The following TOP1MT variants were observed in gnomAD, a reference collection of about 807,000 sequenced individuals.
TOP1MT encodes the protein DNA topoisomerase I, mitochondrial.
TOP1MT carries 80 observed loss-of-function variants against 73.9 expected under a neutral mutation model. The observed-to-expected ratio is 1.08, with a 90% CI of 0.90 to 1.30. The LOEUF (loss-of-function observed/expected upper bound fraction) is 1.30. TOP1MT is among the 50% of genes most tolerant of loss of function. TOP1MT has a pLI of 0.00. For missense variants in TOP1MT, 815 were observed against 808.0 expected (o/e 1.01, Z -0.10); for synonymous variants, 338 against 326.4 (o/e 1.04, Z -0.38).
Position 143,309,547 on chromosome 8 carries a change from C to T in TOP1MT, c.1704-4G>A, listed in dbSNP as rs572135379. 47 of 1,613,552 alleles carry T rather than the reference C, an allele frequency of 2.9e-5. 1 individual carries two copies. The highest frequency in any genetic ancestry group is 2.7e-4 in the African/African-American group (20 of 75,044). ...TGGCACCCTGAACCGCTTGCACCTGCGGGAGGCAGCATCAGCCCAGGCAAG... is the reference window on the plus strand; with the variant it reads ...TGGCACCCTGAACCGCTTGCACCTGTGGGAGGCAGCATCAGCCCAGGCAAG... On this transcript the variant is annotated splice_region_variant and splice_polypyrimidine_tract_variant and intron_variant, in intron 13 of 13. Transcript: ENST00000329245.
At chr8:143,309,925 C>T (rs1401054493) in intron 13 of TOP1MT, 143 bp downstream of exon 13, 1 of 1,592,484 alleles carries the variant, frequency 6.3e-7, no homozygotes, top group South Asian at 1.1e-5. Flanking sequence ...GACTCAGCAT[C>T]ATGGGTCCCT....
intron 1 of TOP1MT, among the ~76,000 whole-genome samples, chr8:143,354,208 G>A (rs142767983): frequency 2.1e-3 from 327 of 152,144 alleles, no homozygotes; most frequent in Non-Finnish European, 3.5e-3. Context: ...ACACGCAGCA[G>A]GGTGTTTTCG....
rs750833587 is a variant in TOP1MT, at chr8:143,315,837, C to G, written c.1459-16G>C. The G allele has an allele frequency of 1.9e-5, 31 of 1,612,332 alleles. No homozygotes were observed. The East Asian group carries it at 6.7e-4, about 35-fold the overall frequency. On this transcript the variant is annotated splice_polypyrimidine_tract_variant and intron_variant, in intron 11 of 13. Transcript: ENST00000329245. ...TTGCCTGGATCTGCAGGAAAAGGGT[C>G]CAGACAGGGCTGCCCCTCCCCATCC... is the stretch of plus-strand genomic sequence containing the variant.
chr8:143,320,521 C>A (rs1045598304), intron 8 of TOP1MT, among the ~76,000 whole-genome samples: 7 of 152,218 alleles, frequency 4.6e-5, no homozygotes, highest in African/African-American at 1.7e-4. Context: ...CCCACCTCAG[C>A]CTCCCGAAGC....
intron 1 of TOP1MT, chr8:143,334,237 C>T (rs1816931436): frequency 1.3e-5 from 2 of 152,792 alleles, no homozygotes; most frequent in Middle Eastern, 3.2e-3. Flanking sequence ...AGGAAAGCGC[C>T]TGGGACCACC....
intron 10 of TOP1MT, among the ~76,000 whole-genome samples, chr8:143,316,794 T>A (rs906703321): frequency 6.6e-6 from 1 of 152,228 alleles, no homozygotes; most frequent in Non-Finnish European, 1.5e-5. Context: ...CCATCCTGCA[T>A]GGCCCACCCA....
At chr8:143,322,534 G>GGCACGCCACAC (rs1816482930) in intron 7 of TOP1MT, among the ~76,000 whole-genome samples, 1 of 37,352 alleles carries the variant, frequency 2.7e-5, no homozygotes, top group Admixed American at 4.9e-4. Context: ...GCACGCCAAA[G>GGCACGCCACAC]ATGCACGCCA....
chr8:143,324,734 T>C, intron 5 of TOP1MT, 105 bp from the exon 6 acceptor site: 1 of 1,404,790 alleles, frequency 7.1e-7, no homozygotes. Context: ...GCTATGGTGG[T>C]GGCATGGCTC....
chr8:143,353,824 C>T (rs1161309034), intron 1 of TOP1MT, among the ~76,000 whole-genome samples: 7 of 151,528 alleles, frequency 4.6e-5, no homozygotes, highest in Admixed American at 2.0e-4. Context: ...ATTAGCCAGG[C>T]GTGGTGGCGG....
At chr8:143,334,635 C>T (rs1816942343) in intron 1 of TOP1MT, 105 bp downstream of exon 1, 1 of 1,495,620 alleles carries the variant, frequency 6.7e-7, no homozygotes, top group Non-Finnish European at 9.0e-7. Flanking sequence ...TTGGGAAAAC[C>T]GGAAGCAGGG....
chr8:143,316,331 A>G (rs1012456545), intron 10 of TOP1MT, among the ~76,000 whole-genome samples: 15 of 152,168 alleles, frequency 9.9e-5, no homozygotes, highest in African/African-American at 3.6e-4. Context: ...CACAGCAACA[A>G]GGCTTCACGT....
chr8:143,323,147 GGCACGCCACAC>G (rs1816567147), intron 7 of TOP1MT, among the ~76,000 whole-genome samples: 3 of 49,692 alleles, frequency 6.0e-5, no homozygotes, highest in African/African-American at 1.5e-4. Flanking sequence ...ACCACACACA[GGCACGCCACAC>G]AGGCACGCCA....
rs768746133 is a variant in TOP1MT at position 143,316,002 on chromosome 8, C to A, written c.1455G>T (p.Thr485=). 1 of 1,614,184 alleles carries A rather than the reference C, an allele frequency of 6.2e-7. No homozygotes were observed. The change falls in exon 11 of 14, where the codon ACG becomes ACT. Residue 485 remains threonine (T), a synonymous_variant. Coordinates refer to ENST00000329245, the MANE Select transcript of TOP1MT (RefSeq NM_052963.3). ...GGGCTCTCCTGGGAGCTGCTACCTT[C>A]GTCTGGAGATTCTGCATCGACTTCT... is the stretch of plus-strand genomic sequence containing the variant. ...TFEKSMQNLQ[T]KIQAKKEQVA...
chr8:143,323,335 A>T, intron 7 of TOP1MT, among the ~76,000 whole-genome samples: 1 of 120,246 alleles, frequency 8.3e-6, no homozygotes. Flanking sequence ...ACACACATGC[A>T]CGCCACACAC....
intron 2 of TOP1MT, among the ~76,000 whole-genome samples, chr8:143,342,946 A>T (rs1239383248): frequency 6.6e-6 from 1 of 151,910 alleles, no homozygotes; most frequent in East Asian, 1.9e-4. Context: ...TTTTTAGTAG[A>T]GAGGGGGTTT....
At chr8:143,322,995 CCA>C (rs1169965670) in intron 7 of TOP1MT, among the ~76,000 whole-genome samples, 58 of 119,378 alleles carry the variant, frequency 4.9e-4, no homozygotes, top group African/African-American at 1.9e-3. Context: ...CACACGCACG[CCA>C]CACACAGGCA....
intron 5 of TOP1MT, among the ~76,000 whole-genome samples, chr8:143,325,019 C>A (rs1178021363): frequency 6.6e-6 from 1 of 152,226 alleles, no homozygotes; most frequent in African/African-American, 2.4e-5. Flanking sequence ...CCCTCTCCAC[C>A]ACTTGGAATG....
At chr8:143,359,498 G>A, upstream of TOP1MT, 3 of 916,820 alleles carry the variant, frequency 3.3e-6, no homozygotes, top group Non-Finnish European at 3.9e-6. Context: ...CCAGGTGCAG[G>A]GCCCAAGCAG....
chr8:143,310,082 C>A lies in TOP1MT; in HGVS notation c.1689G>T (p.Arg563Ser). The change falls in exon 13 of 14, where the codon AGG becomes AGT. Residue 563 changes from arginine (R) to serine (S), a missense_variant. Transcript: ENST00000329245. ...GTSKLNYLDPRISIAWCKRFR... is the reference protein window; with the variant it reads ...GTSKLNYLDPSISIAWCKRFR... Reference sequence around the variant, plus strand: ...GGCACACGCACCAGGCAATGCTGATCCTGGGGTCCAGGTAGTTGAGCTTGG... The same window carrying A: ...GGCACACGCACCAGGCAATGCTGATACTGGGGTCCAGGTAGTTGAGCTTGG... 6.2e-7 allele frequency: 1 copy of A among 1,613,038 alleles called. No homozygotes were observed.
Sources: allele counts gnomAD v4.1 joint callset (sites outside exome capture counted in the v4.1 genomes callset), GRCh38; gene constraint gnomAD v4.1.1; transcripts MANE v1.5; gene names NCBI Gene and HGNC (gene_info 2026-07-23, HGNC 2026-07-21).